The following ETF1 variants were observed in gnomAD, a reference collection of about 807,000 sequenced individuals.
The protein encoded by ETF1 is eukaryotic peptide chain release factor subunit 1.
A neutral mutation model predicts 55.1 loss-of-function variants in ETF1; 4 were observed. The ratio of observed to expected loss-of-function variants is 0.07; its 90% CI spans 0.04 to 0.17. The LOEUF is 0.17. ETF1 is among the 10% of genes least tolerant of loss of function. The pLI is 1.00. For synonymous variants in ETF1, 157 were observed against 182.3 expected (o/e 0.86, Z 1.12); for missense variants, 142 against 523.6 (o/e 0.27, Z 7.11).
rs140702406 is a variant in ETF1, at chr5:138,511,139, T to C, written c.924A>G (p.Thr308=). 5.0e-6 allele frequency: 8 copies of C among 1,614,008 alleles called. No individual in the cohort carries two copies. The highest frequency in any genetic ancestry group is 2.7e-5 in the African/African-American group (2 of 74,932). The stretch of plus-strand genomic sequence containing the variant: ...CAGCTCCCATTTCCAAAGCCTTTAG[T>C]GTATCTTCAACGCCAAAACAGTACT... ...TGKYCFGVED[T]LKALEMGAVE... The change falls in exon 8 of 11, where the codon ACA becomes ACG. Residue 308 remains threonine, a synonymous_variant. Transcript: ENST00000360541.
At chr5:138,514,568 CTTTTT>C (rs59685005) in intron 4 of ETF1, among the ~76,000 whole-genome samples, 1 of 139,858 alleles carries the variant, frequency 7.2e-6, no homozygotes, top group African/African-American at 2.6e-5. Context: ...TAACTTGTTC[CTTTTT>C]TTTTTTTTTT....
rs3087738 is a variant in ETF1 at position 138,507,700 on chromosome 5, G to A, written c.*605C>T. 1 of 152,786 alleles carries A rather than the reference G, an allele frequency of 6.5e-6. No homozygotes were observed. Among genetic ancestry groups the A allele is most frequent in the African/African-American group, 2.4e-5 (1 of 41,454 alleles). The allele number at this position is 152,786 out of a possible 1,614,324, so 9.5% of individuals were successfully genotyped here. ...TCCTTGAAACTGCCAGTCTGGAGGG[G>A]GACGGGGTAGCGTGAGGGAGTGAAG... On this transcript the variant is annotated 3_prime_UTR_variant, in exon 11 of 11. Coordinates refer to ENST00000360541, the MANE Select transcript of ETF1 (RefSeq NM_004730.4).
chr5:138,509,535 G>C (rs1313935564), intron 9 of ETF1, among the ~76,000 whole-genome samples: 1 of 152,072 alleles, frequency 6.6e-6, no homozygotes, highest in Non-Finnish European at 1.5e-5. Flanking sequence ...ACCAATGTAG[G>C]AGGATCACTT....
At chr5:138,529,677 G>A (rs116046057) in intron 2 of ETF1, 17 of 984,648 alleles carry the variant, frequency 1.7e-5, no homozygotes, top group Middle Eastern at 5.2e-4. Flanking sequence ...GAGGGTTAAC[G>A]TCTGAAAAAT....
At position 138,508,214 on chromosome 5, in the gene ETF1, G is replaced by T; in HGVS notation, c.*91C>A. The stretch of plus-strand genomic sequence containing the variant: ...AGTTCTGGAAATGTTCCAATTGTAA[G>T]GCAGGGATCTGTTTGGATTCCACCA... On this transcript the variant is annotated 3_prime_UTR_variant, in exon 11 of 11. Transcript: ENST00000360541. 7.2e-7 allele frequency: 1 copy of T among 1,396,704 alleles called. No homozygotes were observed. The highest frequency in any genetic ancestry group is 1.4e-5 in the South Asian group (1 of 73,826). 86.5% of individuals were successfully genotyped at this position (1,396,704 alleles called of 1,614,324 possible).
Position 138,508,657 on chromosome 5 carries a change from T to C in ETF1, c.1231+12A>G. The C allele has an allele frequency of 6.2e-7, 1 of 1,612,224 alleles. No individual in the cohort carries two copies. The highest frequency in any genetic ancestry group is 1.1e-5 in the South Asian group (1 of 90,994). Reference sequence around the variant, plus strand: ...CCTGGTTTTAAGTTTGGTTTGCTGATTTGCTACTCACCTCCAATTCCACCA... The same window carrying C: ...CCTGGTTTTAAGTTTGGTTTGCTGACTTGCTACTCACCTCCAATTCCACCA... On this transcript the variant is annotated intron_variant, in intron 10 of 10. Transcript: ENST00000360541.
At chr5:138,528,830 A>G (rs1242257573) in intron 2 of ETF1, among the ~76,000 whole-genome samples, 1 of 151,984 alleles carries the variant, frequency 6.6e-6, no homozygotes, top group African/African-American at 2.4e-5. Context: ...ATAACTTCTG[A>G]TGTTTTGTAT....
intron 2 of ETF1, among the ~76,000 whole-genome samples, chr5:138,530,447 G>A (rs1765651950): frequency 6.6e-6 from 1 of 151,554 alleles, no homozygotes; most frequent in Non-Finnish European, 1.5e-5. Flanking sequence ...CCAGCTAATT[G>A]TTGTATTTTT....
chr5:138,542,549 A>C, intron 2 of ETF1: 28 of 1,151,568 alleles, frequency 2.4e-5, no homozygotes, highest in South Asian at 3.6e-5. Flanking sequence ...ACCTGGACTT[A>C]AGGGCCCGGG....
intron 2 of ETF1, among the ~76,000 whole-genome samples, chr5:138,526,098 GC>G (rs1309878096): frequency 1.3e-5 from 2 of 152,092 alleles, no homozygotes; most frequent in Non-Finnish European, 2.9e-5. Flanking sequence ...TAGTTAGACT[GC>G]CAGAACCATC....
chr5:138,508,532 G>T, intron 10 of ETF1, 137 bp downstream of exon 10: 1 of 1,552,908 alleles, frequency 6.4e-7, no homozygotes, highest in Middle Eastern at 1.7e-4. Context: ...GTCCAAATTA[G>T]GAACCTGCAC....
At chr5:138,529,470 G>A (rs1028626539) in intron 2 of ETF1, 19 of 388,944 alleles carry the variant, frequency 4.9e-5, no homozygotes, top group Non-Finnish European at 6.0e-5. Flanking sequence ...CTCCTCTTCC[G>A]AAATCAAAGA....
At chr5:138,517,867 T>C (rs1765083153) in intron 3 of ETF1, 167 bp from the exon 4 acceptor site, 2 of 985,088 alleles carry the variant, frequency 2.0e-6, no homozygotes, top group South Asian at 4.7e-5. Context: ...TCCCTAATTT[T>C]AAAACTTCTT....
chr5:138,512,062 T>C (rs1764805747), intron 6 of ETF1: 1 of 162,800 alleles, frequency 6.1e-6, no homozygotes, highest in Admixed American at 6.7e-5. Context: ...TAGTTGGGCA[T>C]GGTGACACAT....
At chr5:138,518,203 CAAAAAAAAAAAAAAA>C (rs35745884) in intron 3 of ETF1, among the ~76,000 whole-genome samples, 1 of 80,432 alleles carries the variant, frequency 1.2e-5, no homozygotes, top group Non-Finnish European at 2.4e-5. Flanking sequence ...TGTCTCATCC[CAAAAAAAAAAAAAAA>C]AAAAAAAATT....
rs1293183248 is a variant in ETF1 at position 138,510,669 on chromosome 5, C to T, written c.1019-40G>A. On this transcript the variant is annotated intron_variant, in intron 8 of 10. Coordinates refer to ENST00000360541, the MANE Select transcript of ETF1 (RefSeq NM_004730.4). ...GGAAAAAATGTGTTAACCTGGCTCTCATATACTAATCTGTGTAAGCTCCAT... is the reference window on the plus strand; with the variant it reads ...GGAAAAAATGTGTTAACCTGGCTCTTATATACTAATCTGTGTAAGCTCCAT... The T allele has an allele frequency of 2.5e-6, 4 of 1,610,746 alleles. No homozygotes were observed. In the African/African-American group the frequency reaches 5.3e-5, roughly 22 times the overall value.
At chr5:138,541,195 A>AT (rs1766157715) in intron 2 of ETF1, among the ~76,000 whole-genome samples, 1 of 152,208 alleles carries the variant, frequency 6.6e-6, no homozygotes, top group Non-Finnish European at 1.5e-5. Flanking sequence ...AACCTGGCTA[A>AT]TTCTTGGTAG....
intron 2 of ETF1, among the ~76,000 whole-genome samples, chr5:138,530,808 G>C (rs906234795): frequency 3.3e-5 from 5 of 152,200 alleles, no homozygotes; most frequent in Non-Finnish European, 5.9e-5. Context: ...CAAGTGATCT[G>C]TCTGCCTTGG....
chr5:138,509,392 C>T (rs1242715137), intron 9 of ETF1, among the ~76,000 whole-genome samples: 1 of 152,176 alleles, frequency 6.6e-6, no homozygotes, highest in Non-Finnish European at 1.5e-5. Context: ...ATTTTCCTCC[C>T]TATTAAATTT....
Sources: allele counts gnomAD v4.1 joint callset (sites outside exome capture counted in the v4.1 genomes callset), GRCh38; gene constraint gnomAD v4.1.1; transcripts MANE v1.5; gene names NCBI Gene and HGNC (gene_info 2026-07-23, HGNC 2026-07-21).